The following IL1RAPL2 variants were observed in gnomAD, a reference collection of about 807,000 sequenced individuals.
The protein encoded by IL1RAPL2 is interleukin 1 receptor accessory protein like 2, also known as X-linked interleukin-1 receptor accessory protein-like 2.
Under a neutral mutation model 44.1 loss-of-function variants are expected in IL1RAPL2, and 3 were observed. That is an observed-to-expected ratio of 0.07 (90% CI 0.03 to 0.18). IL1RAPL2 has a LOEUF of 0.18. IL1RAPL2 is among the 10% of genes least tolerant of loss of function. IL1RAPL2 has a pLI of 1.00. For synonymous variants in IL1RAPL2, 181 were observed against 178.8 expected, an observed-to-expected ratio of 1.01 and a Z score of -0.10; for missense variants, 391 against 496.4, an observed-to-expected ratio of 0.79 and a Z score of 2.02.
intron 6 of IL1RAPL2, among the ~76,000 whole-genome samples, chrX:105,491,667 C>T (rs780082910): frequency 6.3e-5 from 7 of 111,745 alleles, no homozygotes; most frequent in South Asian, 7.4e-4. Flanking sequence ...CAGGATAACA[C>T]GCACAAGCTT....
At chrX:105,673,975 A>T (rs1191774351) in intron 6 of IL1RAPL2, among the ~76,000 whole-genome samples, 1 of 111,006 alleles carries the variant, frequency 9.0e-6, no homozygotes, top group Non-Finnish European at 1.9e-5. Flanking sequence ...TTCTTTTGAG[A>T]AGTGTCTGTT....
chrX:105,013,907 T>C (rs761141876), intron 2 of IL1RAPL2, among the ~76,000 whole-genome samples: 5 of 112,262 alleles, frequency 4.5e-5, no homozygotes, highest in Non-Finnish European at 9.4e-5. Flanking sequence ...ATCTCCACAA[T>C]TGGCTCATAA....
rs774099860 is a variant in IL1RAPL2 at position 104,926,755 on chromosome X, T to G, written c.82+267760T>G. ...ATCTTTGAACTCTGGATTGACACAC[T>G]GTTCTCTCATTTCCTTTTGAATTGT... On this transcript the variant is annotated intron_variant, in intron 2 of 10. Coordinates refer to ENST00000372582, the MANE Select transcript of IL1RAPL2 (RefSeq NM_017416.2). Among the ~76,000 whole-genome samples, 85 of 111,993 alleles carry G rather than the reference T, an allele frequency of 7.6e-4. No individual in the cohort carries two copies. The Middle Eastern group carries it at 0.014, about 18-fold the overall frequency.
At chrX:104,660,538 A>AAT (rs1215485299) in intron 2 of IL1RAPL2, among the ~76,000 whole-genome samples, 11 of 103,632 alleles carry the variant, frequency 1.1e-4, no homozygotes, top group South Asian at 8.3e-4. Flanking sequence ...AGGCTGTTAA[A>AAT]ATATATATAT....
intron 2 of IL1RAPL2, among the ~76,000 whole-genome samples, chrX:105,171,786 C>G (rs2033425890): frequency 9.0e-6 from 1 of 111,038 alleles, no homozygotes. Context: ...TCTACCTCAC[C>G]TTACCTGGCC....
intron 2 of IL1RAPL2, among the ~76,000 whole-genome samples, chrX:104,723,713 T>C (rs1305725556): frequency 6.3e-5 from 7 of 110,854 alleles, no homozygotes; most frequent in African/African-American, 2.3e-4. Context: ...CTACAGAGAT[T>C]TGTAACTATA....
chrX:105,396,207 T>C (rs1211569451), intron 5 of IL1RAPL2, among the ~76,000 whole-genome samples: 2 of 110,059 alleles, frequency 1.8e-5, no homozygotes, highest in African/African-American at 6.6e-5. Context: ...TCAATTTATG[T>C]TACCATTCGG....
intron 1 of IL1RAPL2, among the ~76,000 whole-genome samples, chrX:104,632,919 C>T (rs932910534): frequency 6.3e-5 from 7 of 111,107 alleles, no homozygotes; most frequent in Admixed American, 9.6e-5. Flanking sequence ...GTCTTGTGCC[C>T]GTTTTCAAAG....
At chrX:105,018,906 T>C (rs192901372) in intron 2 of IL1RAPL2, among the ~76,000 whole-genome samples, 35 of 111,625 alleles carry the variant, frequency 3.1e-4, no homozygotes, top group Non-Finnish European at 1.9e-4. Context: ...TTACATTCCC[T>C]ATGTAACTAT....
chrX:104,791,946 G>T (rs1569315358), intron 2 of IL1RAPL2, among the ~76,000 whole-genome samples: 1 of 110,879 alleles, frequency 9.0e-6, no homozygotes, highest in Non-Finnish European at 1.9e-5. Context: ...GGGGCTACTT[G>T]ATCTGTTATT....
At chrX:104,885,558 C>T (rs1923211205) in intron 2 of IL1RAPL2, among the ~76,000 whole-genome samples, 1 of 111,820 alleles carries the variant, frequency 8.9e-6, no homozygotes, top group South Asian at 3.7e-4. Flanking sequence ...CAGGAGAAAG[C>T]TCCAAAAGCA....
At chrX:105,160,881 A>C (rs983060111) in intron 2 of IL1RAPL2, among the ~76,000 whole-genome samples, 1 of 111,879 alleles carries the variant, frequency 8.9e-6, no homozygotes, top group Non-Finnish European at 1.9e-5. Flanking sequence ...TGGTCAAGAC[A>C]TGAAAATATT....
intron 2 of IL1RAPL2, among the ~76,000 whole-genome samples, chrX:105,029,193 T>A (rs752441100): frequency 3.7e-5 from 4 of 108,093 alleles, no homozygotes; most frequent in African/African-American, 6.6e-5. Context: ...ATGTTAAGAG[T>A]CTTTTTTTTT....
intron 2 of IL1RAPL2, among the ~76,000 whole-genome samples, chrX:104,769,038 GT>G (rs1292873333): frequency 9.0e-6 from 1 of 111,215 alleles, no homozygotes; most frequent in Non-Finnish European, 1.9e-5. Flanking sequence ...TTGGCAAGTG[GT>G]TTTTCTTCTC....
rs981443885 is a variant in IL1RAPL2 at position 105,565,503 on chromosome X, T to C, written c.772+81116T>C. 5.4e-5 allele frequency among the ~76,000 whole-genome samples: 6 copies of C among 111,876 alleles called. No homozygotes were observed. The Admixed American group carries it at 5.7e-4, about 11-fold the overall frequency. On this transcript the variant is annotated intron_variant, in intron 6 of 10. Coordinates refer to ENST00000372582, the MANE Select transcript of IL1RAPL2 (RefSeq NM_017416.2). ...TACCACCAGTGGCCCATTTGTAAAA[T>C]ATGTGTAGTGTCATTTTAACAATAA...
At chrX:105,444,403 G>A (rs893767398) in intron 5 of IL1RAPL2, among the ~76,000 whole-genome samples, 1 of 110,667 alleles carries the variant, frequency 9.0e-6, no homozygotes, top group East Asian at 2.8e-4. Context: ...GTGTTACTCA[G>A]GAAACTTTTG....
chrX:104,770,340 T>C (rs892202618), intron 2 of IL1RAPL2, among the ~76,000 whole-genome samples: 6 of 111,534 alleles, frequency 5.4e-5, no homozygotes, highest in African/African-American at 2.0e-4. Flanking sequence ...TAAGTAAGAA[T>C]AACTCAAAAG....
chrX:105,041,850 A>G (rs1273641927), intron 2 of IL1RAPL2, among the ~76,000 whole-genome samples: 1 of 110,974 alleles, frequency 9.0e-6, no homozygotes, highest in Non-Finnish European at 1.9e-5. Flanking sequence ...CAGTAACCAA[A>G]AGAGCATGGT....
intron 1 of IL1RAPL2, chrX:104,647,821 C>T (rs774637646): frequency 2.9e-5 from 16 of 547,971 alleles, no homozygotes; most frequent in Non-Finnish European, 4.9e-5. Context: ...GTTTCTGTAC[C>T]CATGGGATAG....
Sources: allele counts gnomAD v4.1 joint callset (sites outside exome capture counted in the v4.1 genomes callset), GRCh38; gene constraint gnomAD v4.1.1; transcripts MANE v1.5; gene names NCBI Gene and HGNC (gene_info 2026-07-23, HGNC 2026-07-21).